PLCL2: variants seen among roughly 807,000 people sequenced by gnomAD.
PLCL2 encodes the protein inactive phospholipase C-like protein 2.
PLCL2 carries 4 observed loss-of-function variants against 79.6 expected under a neutral mutation model. That is an observed-to-expected ratio of 0.05 (90% confidence interval 0.02 to 0.11). The LOEUF is 0.11. Among genes scored for constraint, PLCL2 ranks in the 10% least tolerant of loss-of-function variants. The pLI is 1.00. For synonymous variants in PLCL2, 484 were observed against 457.7 expected (o/e 1.06, Z -0.73); for missense variants, 895 against 1,291.0 (o/e 0.69, Z 4.70).
chr3:17,085,510 G>A (rs951761709), intron 5 of PLCL2, among the ~76,000 whole-genome samples: 5 of 151,922 alleles, frequency 3.3e-5, no homozygotes, highest in African/African-American at 1.2e-4. Context: ...GAGTGCAGTG[G>A]TGTGATCTCG....
intron 1 of PLCL2, among the ~76,000 whole-genome samples, chr3:16,931,780 A>G (rs913020501): frequency 6.6e-6 from 1 of 152,178 alleles, no homozygotes; most frequent in African/African-American, 2.4e-5. Context: ...GAGATGTTGG[A>G]TATGAAAGCA....
chr3:17,017,445 T>C (rs777180873), intron 3 of PLCL2, among the ~76,000 whole-genome samples: 2 of 152,190 alleles, frequency 1.3e-5, no homozygotes, highest in African/African-American at 2.4e-5. Context: ...TTCTTTTTAG[T>C]GACTTAATGG....
rs147691342 is a variant in PLCL2, at chr3:17,049,984, C to G, written c.3094+7035C>G. 2.9e-3 allele frequency among the ~76,000 whole-genome samples: 440 copies of G among 152,170 alleles called. 8 individuals carry two copies. The highest frequency in any genetic ancestry group is 0.027 in the Admixed American group (411 of 15,266). On this transcript the variant is annotated intron_variant, in intron 4 of 5. Coordinates refer to ENST00000615277, the MANE Select transcript of PLCL2 (RefSeq NM_001144382.2). Reference sequence around the variant, plus strand: ...CGCATGATAATGGTATAAAAGCAGACACATAGACCAATGGAACAGAATAGA... The same window carrying G: ...CGCATGATAATGGTATAAAAGCAGAGACATAGACCAATGGAACAGAATAGA...
intron 1 of PLCL2, among the ~76,000 whole-genome samples, chr3:16,972,999 A>G (rs1381071471): frequency 6.6e-6 from 1 of 152,074 alleles, no homozygotes; most frequent in Admixed American, 6.6e-5. Flanking sequence ...ATTAATATTG[A>G]TATGTGCAGA....
intron 1 of PLCL2, among the ~76,000 whole-genome samples, chr3:16,911,662 A>G (rs527980593): frequency 4.6e-5 from 7 of 152,218 alleles, no homozygotes; most frequent in Non-Finnish European, 8.8e-5. Context: ...TCACAACTCA[A>G]ATGGTGAAGA....
intron 1 of PLCL2, among the ~76,000 whole-genome samples, chr3:16,995,900 C>T (rs570863021): frequency 2.5e-4 from 38 of 152,238 alleles, no homozygotes; most frequent in Non-Finnish European, 3.8e-4. Flanking sequence ...ATGGTACTGA[C>T]TTTAAGCACA....
At chr3:16,924,293 A>G (rs190820083) in intron 1 of PLCL2, among the ~76,000 whole-genome samples, 16 of 152,072 alleles carry the variant, frequency 1.1e-4, no homozygotes, top group African/African-American at 3.6e-4. Flanking sequence ...GTTGTTTTTG[A>G]TTTGGTTAGT....
intron 1 of PLCL2, among the ~76,000 whole-genome samples, chr3:16,945,243 C>CAT (rs1279472276): frequency 4.2e-5 from 2 of 47,110 alleles, no homozygotes; most frequent in Non-Finnish European, 7.8e-5. Flanking sequence ...AACACATACA[C>CAT]ACACACACAC....
rs775996139 is a variant in PLCL2, at chr3:17,067,935, T to C, written c.3095-21T>C. The C allele has an allele frequency of 5.7e-6, 8 of 1,414,178 alleles. No individual in the cohort carries two copies. The Admixed American group carries it at 1.2e-4, about 22-fold the overall frequency. The allele number at this position is 1,414,178 out of a possible 1,614,324, so 87.6% of individuals were successfully genotyped here. A position where few individuals can be genotyped will look rare whatever the true frequency, so the allele number is the denominator to read the frequency against. On this transcript the variant is annotated intron_variant, in intron 4 of 5. Transcript: ENST00000615277. The stretch of plus-strand genomic sequence containing the variant: ...AGATTGGATGGGAGTTAATATACTT[T>C]GTCTTTTTTATTTCTTTCAGCCATG...
intron 1 of PLCL2, among the ~76,000 whole-genome samples, chr3:16,917,575 T>C (rs189983124): frequency 3.3e-5 from 5 of 152,296 alleles, no homozygotes; most frequent in African/African-American, 1.2e-4. Context: ...TTTGCAGGGA[T>C]AGCAGGACTG....
At chr3:17,031,929 CTTTTTTTTT>C (rs35640259) in intron 3 of PLCL2, among the ~76,000 whole-genome samples, 2 of 109,048 alleles carry the variant, frequency 1.8e-5, no homozygotes, top group Non-Finnish European at 3.7e-5. Flanking sequence ...CAATTTTCAC[CTTTTTTTTT>C]TTTTTTTTTT....
At chr3:16,967,417 C>T (rs1432634786) in intron 1 of PLCL2, among the ~76,000 whole-genome samples, 1 of 152,074 alleles carries the variant, frequency 6.6e-6, no homozygotes, top group East Asian at 1.9e-4. Flanking sequence ...TCTGTAACTT[C>T]AATAGCATCT....
intron 1 of PLCL2, among the ~76,000 whole-genome samples, chr3:16,920,184 T>C (rs1697091073): frequency 6.6e-6 from 1 of 152,166 alleles, no homozygotes; most frequent in African/African-American, 2.4e-5. Flanking sequence ...CTGTTGCATG[T>C]AAATGGAACA....
intron 1 of PLCL2, among the ~76,000 whole-genome samples, chr3:16,969,784 G>C (rs903667690): frequency 5.3e-5 from 8 of 151,722 alleles, no homozygotes; most frequent in Non-Finnish European, 8.8e-5. Flanking sequence ...GCTAGCTTTG[G>C]TATTGGTTTG....
chr3:16,963,470 A>G (rs1437589173), intron 1 of PLCL2, among the ~76,000 whole-genome samples: 5 of 152,192 alleles, frequency 3.3e-5, no homozygotes, highest in African/African-American at 1.2e-4. Flanking sequence ...ATGAATAGAT[A>G]TTATAAAATC....
chr3:17,043,724 A>G (rs1427033876), intron 4 of PLCL2, among the ~76,000 whole-genome samples: 2 of 152,092 alleles, frequency 1.3e-5, no homozygotes, highest in Admixed American at 6.6e-5. Flanking sequence ...AAAATCCCTT[A>G]TCTCAGAAAT....
intron 1 of PLCL2, among the ~76,000 whole-genome samples, chr3:16,927,641 G>T (rs923367809): frequency 6.6e-6 from 1 of 152,166 alleles, no homozygotes; most frequent in Non-Finnish European, 1.5e-5. Context: ...ATTATTTGTT[G>T]TGGGGGCTGT....
At chr3:16,969,555 G>GT (rs1367511413) in intron 1 of PLCL2, among the ~76,000 whole-genome samples, 2 of 151,898 alleles carry the variant, frequency 1.3e-5, no homozygotes, top group Non-Finnish European at 1.5e-5. Context: ...TCTCTGAGGG[G>GT]TTTTTTGTAT....
intron 1 of PLCL2, among the ~76,000 whole-genome samples, chr3:16,966,134 G>T (rs927047416): frequency 6.6e-6 from 1 of 150,818 alleles, no homozygotes. Flanking sequence ...TGCCCATTCA[G>T]TATGATATTG....
Sources: gnomAD v4.1 joint callset for allele counts (sites outside exome capture counted in the v4.1 genomes callset) on GRCh38, gnomAD v4.1.1 for gene constraint, MANE v1.5 for transcripts, NCBI Gene and HGNC (gene_info 2026-07-23, HGNC 2026-07-21) for gene names.